Variants in KLHL30 observed in about 807,000 individuals in gnomAD.
KLHL30 encodes the protein kelch-like protein 30.
A neutral mutation model predicts 55.0 loss-of-function variants in KLHL30; 55 were observed. That is an observed-to-expected ratio of 1.00 (90% CI 0.80 to 1.25). KLHL30 has a LOEUF of 1.25. KLHL30 is among the 50% of genes most tolerant of loss of function. KLHL30 has a pLI of 0.00. For missense variants in KLHL30, 786 were observed against 811.6 expected, an observed-to-expected ratio of 0.97 and a Z score of 0.38; for synonymous variants, 356 against 372.6, an observed-to-expected ratio of 0.96 and a Z score of 0.51.
chr2:238,149,518 G>T (rs1692714772), intron 7 of KLHL30, among the ~76,000 whole-genome samples: 1 of 152,234 alleles, frequency 6.6e-6, no homozygotes, highest in South Asian at 2.1e-4. Context: ...GGACAGGGGT[G>T]ACGGTGATGG....
intron 3 of KLHL30, among the ~76,000 whole-genome samples, chr2:238,144,310 C>T (rs944343547): frequency 1.2e-4 from 19 of 152,154 alleles, no homozygotes; most frequent in African/African-American, 4.6e-4. Flanking sequence ...CCTGCTCTGC[C>T]TGCTGCAGGT....
Position 238,147,991 on chromosome 2 carries a change from C to T in KLHL30, c.1308C>T (p.Ala436=). The part of the protein sequence containing the change: ...LVGSSACKYN[A]LALQCYNPVT... ...GCTCCAGCGCCTGCAAGTACAACGCCCTGGCCCTGCAGTGCTACAACCCTG... is the reference window on the plus strand; with the variant it reads ...GCTCCAGCGCCTGCAAGTACAACGCTCTGGCCCTGCAGTGCTACAACCCTG... Residue 436 remains alanine, a synonymous_variant, in exon 6 of 8, where the codon GCC becomes GCT. Coordinates refer to ENST00000409223, the MANE Select transcript of KLHL30 (RefSeq NM_198582.4). The surrounding 1 kb of genome is among the most constrained non-coding windows in gnomAD (Gnocchi z 5.8). The T allele has an allele frequency of 1.3e-6, 2 of 1,534,746 alleles. No individual in the cohort carries two copies. Among genetic ancestry groups the T allele is most frequent in the Non-Finnish European group, 1.8e-6 (2 of 1,139,252 alleles).
chr2:238,144,583 C>T (rs1559276186), intron 3 of KLHL30, among the ~76,000 whole-genome samples: 1 of 152,132 alleles, frequency 6.6e-6, no homozygotes. Context: ...GCTGAATGGT[C>T]CATTTGGGGT....
rs1692605034 is a variant in KLHL30 at position 238,144,422 on chromosome 2, G to GGAAGGAAGGAAGGAAT, written c.908-467_908-466insAATGAAGGAAGGAAGG. 2.3e-3 allele frequency among the ~76,000 whole-genome samples: 247 copies of GGAAGGAAGGAAGGAAT among 106,082 alleles called. 3 individuals are homozygous for GGAAGGAAGGAAGGAAT. Among genetic ancestry groups the GGAAGGAAGGAAGGAAT allele is most frequent in the Non-Finnish European group, 3.1e-3 (150 of 49,084 alleles). The allele number at this position is 106,082 out of a possible 152,430, so 69.6% of individuals were successfully genotyped here. A position where few individuals can be genotyped will look rare whatever the true frequency, so the allele number is the denominator to read the frequency against. On this transcript the variant is annotated intron_variant, in intron 3 of 7. Transcript: ENST00000409223. ...AGGAAGGAAGGAAGGAAGGAAGGAA[G>GGAAGGAAGGAAGGAAT]GAAGGAAGGAAGGCAGGCAGGCAGG...
chr2:238,142,043 A>G (rs1692552479), intron 2 of KLHL30, among the ~76,000 whole-genome samples: 2 of 152,310 alleles, frequency 1.3e-5, no homozygotes, highest in South Asian at 4.1e-4. Context: ...CTGAGCTTTT[A>G]TGGGGTGCTA....
chr2:238,139,952 C>T (rs1692502452), intron 1 of KLHL30, among the ~76,000 whole-genome samples: 1 of 152,236 alleles, frequency 6.6e-6, no homozygotes, highest in South Asian at 2.1e-4. Context: ...CGTGGTGACG[C>T]GAAACCCTCC....
chr2:238,140,041 C>T (rs1294274344), intron 1 of KLHL30, among the ~76,000 whole-genome samples: 1 of 152,218 alleles, frequency 6.6e-6, no homozygotes, highest in Admixed American at 6.5e-5. Flanking sequence ...AGAGCCTGGG[C>T]CCCCAAGCCT....
chr2:238,146,538 G>A (rs1692651219), intron 5 of KLHL30, among the ~76,000 whole-genome samples: 1 of 150,512 alleles, frequency 6.6e-6, no homozygotes, highest in Non-Finnish European at 1.5e-5. Context: ...TCCTGAGTAG[G>A]TAGGACCCCA....
At chr2:238,149,174 C>T in intron 7 of KLHL30, 22 bp downstream of exon 7, 1 of 1,611,456 alleles carries the variant, frequency 6.2e-7, no homozygotes, top group Non-Finnish European at 8.5e-7. Context: ...CCTCCCCCAA[C>T]ATGTGTGAGC....
chr2:238,145,326 G>C (rs1368656792), intron 4 of KLHL30, among the ~76,000 whole-genome samples: 1 of 152,206 alleles, frequency 6.6e-6, no homozygotes, highest in Non-Finnish European at 1.5e-5. Context: ...GAAGCCCCAG[G>C]CCTGGGTGGT....
In KLHL30 at chr2:238,141,050, C is replaced by T. The variant is rs184532412; in HGVS notation, c.296C>T (p.Thr99Met). The T allele has an allele frequency of 5.0e-6, 8 of 1,611,904 alleles. No individual in the cohort carries two copies. Among genetic ancestry groups the T allele is most frequent in the Admixed American group, 3.3e-5 (2 of 59,984 alleles). Reference protein sequence around the residue: ...DFVYTGRLTITQGNVEALTRT... With the variant: ...DFVYTGRLTIMQGNVEALTRT... ...GTGTACACAGGCCGGCTGACCATCA[C>T]GCAGGGCAACGTGGAGGCGCTGACA... The change falls in exon 2 of 8, where the codon ACG (threonine) becomes ATG (methionine). Residue 99 changes from threonine to methionine, a missense_variant. Coordinates refer to ENST00000409223, the MANE Select transcript of KLHL30 (RefSeq NM_198582.4).
chr2:238,151,537 TGCTTCTGCCC>T lies in KLHL30; in HGVS notation c.*473_*482del. 1 of 177,900 alleles carries T rather than the reference TGCTTCTGCCC, an allele frequency of 5.6e-6. No homozygotes were observed. The highest frequency in any genetic ancestry group is 1.5e-4 in the East Asian group (1 of 6,470). The allele number at this position is 177,900 out of a possible 1,614,324, so 11.0% of individuals were successfully genotyped here. On this transcript the variant is annotated 3_prime_UTR_variant, in exon 8 of 8. Transcript: ENST00000409223. ...GATCAGCACCAGGTCCTCGTGGGCC[TGCTTCTGCCC>T]AGCTCACGGCAGCGTAACTGTGGCC...
In KLHL30 at chr2:238,149,091, T is replaced by A. The variant is rs1384361122; in HGVS notation, c.1424T>A (p.Leu475His). The change falls in exon 7 of 8, where the codon CTC becomes CAC. Residue 475 changes from leucine to histidine, a missense_variant. Leu to His is a moderately conservative substitution (Grantham distance 99). Transcript: ENST00000409223. ...RCAALHGELY[L>H]IGDNTKKVYV... ...GCTGCACTGCACGGGGAGCTCTACC[T>A]CATTGGGGACAACACCAAGAAGGTC... The A allele has an allele frequency of 6.2e-7, 1 of 1,613,218 alleles. No homozygotes were observed. Among genetic ancestry groups the A allele is most frequent in the African/African-American group, 1.3e-5 (1 of 75,034 alleles).
chr2:238,144,422 G>GGAAGGAAGGAAGGAAGGAATGAAT (rs1692605034), intron 3 of KLHL30, among the ~76,000 whole-genome samples: 1 of 106,042 alleles, frequency 9.4e-6, no homozygotes, highest in Non-Finnish European at 2.0e-5. Context: ...AAGGAAGGAA[G>GGAAGGAAGGAAGGAAGGAATGAAT]GAAGGAAGGA....
intron 3 of KLHL30, among the ~76,000 whole-genome samples, chr2:238,143,323 G>T (rs1242894280): frequency 6.6e-6 from 1 of 152,214 alleles, no homozygotes; most frequent in Admixed American, 6.5e-5. Context: ...GGAGAGTGGG[G>T]TGGGGGGTGA....
rs372191231 is a variant in KLHL30, at chr2:238,152,716, A to C, written c.*1651A>C. 6 of 152,168 alleles carry C rather than the reference A, an allele frequency of 3.9e-5. No individual in the cohort carries two copies. The highest frequency in any genetic ancestry group is 2.1e-4 in the South Asian group (1 of 4,818). 9.4% of individuals were successfully genotyped at this position (152,168 alleles called of 1,614,324 possible). A position where few individuals can be genotyped will look rare whatever the true frequency, so the allele number is the denominator to read the frequency against. On this transcript the variant is annotated 3_prime_UTR_variant, in exon 8 of 8. Transcript: ENST00000409223. ...GGCCTCTGGGTGCTACCAAAGGAAC[A>C]AGAGCCCAGAGCTGAGGAGACCTTC...
chr2:238,150,947 G>A lies in KLHL30; in HGVS notation c.1619G>A (p.Arg540Gln), dbSNP rs535668533. 41 of 1,581,474 alleles carry A rather than the reference G, an allele frequency of 2.6e-5. No homozygotes were observed. Among genetic ancestry groups the A allele is most frequent in the Admixed American group, 2.0e-4 (11 of 55,296 alleles). ...HVEMEAYDTV[R>Q]DTWTRHGALP... The stretch of plus-strand genomic sequence containing the variant: ...GAGATGGAGGCCTACGACACGGTTC[G>A]GGACACCTGGACCCGCCACGGCGCC... The change falls in exon 8 of 8, where the codon CGG (arginine) becomes CAG (glutamine). Residue 540 changes from arginine (R) to glutamine (Q), a missense_variant. By Grantham distance (43) the Arg-to-Gln change is conservative. Transcript: ENST00000409223.
At chr2:238,148,087 C>G (rs886169504) in intron 6 of KLHL30, 65 bp downstream of exon 6, 11 of 1,311,910 alleles carry the variant, frequency 8.4e-6, no homozygotes, top group Non-Finnish European at 9.9e-6. Context: ...ACAGTCCGCT[C>G]GTAGTGATGG....
rs750878152 is a variant in KLHL30 at position 238,142,894 on chromosome 2, C to T, written c.870C>T (p.Pro290=). Residue 290 remains proline (P), a synonymous_variant, in exon 3 of 8, where the codon CCC becomes CCT. Coordinates refer to ENST00000409223, the MANE Select transcript of KLHL30 (RefSeq NM_198582.4). ...EEEEAGEEPT[P]GLGNFAFYNS... ...AGGAGGCAGGTGAGGAGCCCACCCC[C>T]GGCCTTGGGAACTTTGCCTTCTACA... The T allele has an allele frequency of 1.1e-5, 17 of 1,497,830 alleles. No homozygotes were observed. The highest frequency in any genetic ancestry group is 5.9e-5 in the African/African-American group (4 of 67,710). The allele number at this position is 1,497,830 out of a possible 1,614,324, so 92.8% of individuals were successfully genotyped here.
Sources: gnomAD v4.1 joint callset for allele counts (sites outside exome capture counted in the v4.1 genomes callset) on GRCh38, gnomAD v4.1.1 for gene constraint, Gnocchi (gnomAD v3.1) non-coding constraint, MANE v1.5 for transcripts, NCBI Gene and HGNC (gene_info 2026-07-23, HGNC 2026-07-21) for gene names.